The following SSBP2 variants were observed in gnomAD, a reference collection of about 807,000 sequenced individuals.
SSBP2 encodes the protein single-stranded DNA-binding protein 2.
SSBP2 carries 17 observed loss-of-function variants against 61.8 expected under a neutral mutation model. The observed-to-expected ratio is 0.28, with a 90% CI of 0.19 to 0.41. SSBP2 has a LOEUF of 0.41. Among genes scored for constraint, SSBP2 ranks in the 10% least tolerant of loss-of-function variants. The pLI is 1.00. For missense variants in SSBP2, 310 were observed against 458.7 expected (o/e 0.68, Z 2.96); for synonymous variants, 139 against 141.3 (o/e 0.98, Z 0.12).
At chr5:81,636,096 G>C (rs1156565744) in intron 3 of SSBP2, among the ~76,000 whole-genome samples, 2 of 152,158 alleles carry the variant, frequency 1.3e-5, no homozygotes, top group Non-Finnish European at 2.9e-5. Flanking sequence ...GATGGGACTA[G>C]TTCCCTTATA....
intron 6 of SSBP2, among the ~76,000 whole-genome samples, chr5:81,487,241 T>C (rs1277186834): frequency 6.6e-6 from 1 of 152,234 alleles, no homozygotes; most frequent in African/African-American, 2.4e-5. Flanking sequence ...AAGCATTTAA[T>C]TTCTTCTCGG....
At chr5:81,513,799 A>C in intron 4 of SSBP2, 82 bp from the exon 5 acceptor site, 1 of 844,780 alleles carries the variant, frequency 1.2e-6, no homozygotes, top group East Asian at 2.6e-5. Context: ...AGATTGCAGG[A>C]CGGGATGCTC....
At chr5:81,648,298 C>T (rs961568613) in intron 2 of SSBP2, among the ~76,000 whole-genome samples, 1 of 152,070 alleles carries the variant, frequency 6.6e-6, no homozygotes, top group African/African-American at 2.4e-5. Context: ...AACACAGATA[C>T]ACCAAATTTT....
At chr5:81,431,901 T>C (rs968499374) in intron 15 of SSBP2, among the ~76,000 whole-genome samples, 1 of 152,204 alleles carries the variant, frequency 6.6e-6, no homozygotes, top group African/African-American at 2.4e-5. Context: ...CTTCTCTTAA[T>C]TAGTAAGTTA....
intron 1 of SSBP2, among the ~76,000 whole-genome samples, chr5:81,683,051 G>A (rs1752516847): frequency 6.6e-6 from 1 of 150,422 alleles, no homozygotes; most frequent in Non-Finnish European, 1.5e-5. Context: ...TGTTCATGGA[G>A]AGGAAGACTC....
chr5:81,508,192 T>C (rs145089232), intron 5 of SSBP2, among the ~76,000 whole-genome samples: 16 of 152,276 alleles, frequency 1.1e-4, no homozygotes, highest in African/African-American at 3.8e-4. Context: ...TACTGTACTT[T>C]ATTCTACAAA....
In SSBP2 at chr5:81,416,387, C is replaced by G. The variant is rs1761313420; in HGVS notation, c.*4117G>C. Reference sequence around the variant, plus strand: ...TCTCCTGGGAAAACTACTCTTAGTACTATACACTATATGCAGATGAAAATG... The same window carrying G: ...TCTCCTGGGAAAACTACTCTTAGTAGTATACACTATATGCAGATGAAAATG... On this transcript the variant is annotated 3_prime_UTR_variant, in exon 17 of 17. Coordinates refer to ENST00000320672, the MANE Select transcript of SSBP2 (RefSeq NM_012446.5). 6.6e-6 allele frequency: 1 copy of G among 152,124 alleles called. No individual in the cohort carries two copies. Among genetic ancestry groups the G allele is most frequent in the South Asian group, 2.1e-4 (1 of 4,812 alleles). The allele number at this position is 152,124 out of a possible 1,614,324, so 9.4% of individuals were successfully genotyped here.
intron 5 of SSBP2, among the ~76,000 whole-genome samples, chr5:81,498,675 T>G (rs1402757378): frequency 6.6e-6 from 1 of 152,072 alleles, no homozygotes; most frequent in East Asian, 1.9e-4. Context: ...CCGTATATAA[T>G]TTTCTCTATA....
Position 81,421,342 on chromosome 5 carries a change from G to A in SSBP2, c.1057-809C>T, listed in dbSNP as rs545820548. On this transcript the variant is annotated intron_variant, in intron 16 of 16. Coordinates refer to ENST00000320672, the MANE Select transcript of SSBP2 (RefSeq NM_012446.5). Reference sequence around the variant, plus strand: ...CCAGTAGCTGGGACTACAGGCACACGCCACCATGCATGGCTAATTTTTGTA... The same window carrying A: ...CCAGTAGCTGGGACTACAGGCACACACCACCATGCATGGCTAATTTTTGTA... 4.6e-5 allele frequency among the ~76,000 whole-genome samples: 7 copies of A among 152,190 alleles called. No individual in the cohort carries two copies. In the South Asian group the frequency reaches 8.3e-4, roughly 18 times the overall value.
intron 3 of SSBP2, among the ~76,000 whole-genome samples, chr5:81,629,677 C>A (rs1264145074): frequency 6.6e-6 from 1 of 152,110 alleles, no homozygotes; most frequent in African/African-American, 2.4e-5. Flanking sequence ...GTACATATTT[C>A]TTTTTTAAGT....
chr5:81,533,314 TA>T (rs1193227129), intron 4 of SSBP2, among the ~76,000 whole-genome samples: 1 of 151,546 alleles, frequency 6.6e-6, no homozygotes. Flanking sequence ...CATGGGAAAT[TA>T]AAAAAAATTA....
Position 81,413,881 on chromosome 5 carries a change from A to T in SSBP2, c.*6623T>A, listed in dbSNP as rs1404693377. On this transcript the variant is annotated 3_prime_UTR_variant, in exon 17 of 17. Transcript: ENST00000320672. ...TTTAACTGAGCAATTTTACCAAGAC[A>T]TGATGGAAAGTTAGCTGACAAATAT... 1.3e-5 allele frequency: 2 copies of T among 152,180 alleles called. No individual in the cohort carries two copies. Among genetic ancestry groups the T allele is most frequent in the African/African-American group, 4.8e-5 (2 of 41,462 alleles). The allele number at this position is 152,180 out of a possible 1,614,324, so 9.4% of individuals were successfully genotyped here. A position where few individuals can be genotyped will look rare whatever the true frequency, so the allele number is the denominator to read the frequency against.
chr5:81,576,605 C>A (rs1774236645), intron 4 of SSBP2, among the ~76,000 whole-genome samples: 1 of 152,054 alleles, frequency 6.6e-6, no homozygotes, highest in Non-Finnish European at 1.5e-5. Context: ...GTGGGTTCTA[C>A]CACAAACTAG....
intron 15 of SSBP2, among the ~76,000 whole-genome samples, chr5:81,432,404 G>A (rs575888724): frequency 6.2e-4 from 95 of 152,282 alleles, no homozygotes; most frequent in African/African-American, 2.2e-3. Flanking sequence ...ATATAAATGT[G>A]AGATATGTTA....
intron 6 of SSBP2, among the ~76,000 whole-genome samples, chr5:81,486,287 G>C (rs1362351837): frequency 6.6e-6 from 1 of 152,006 alleles, no homozygotes; most frequent in African/African-American, 2.4e-5. Flanking sequence ...AACAAACTAG[G>C]TTTACAATTT....
chr5:81,672,127 AGT>A (rs1251559640), intron 1 of SSBP2, among the ~76,000 whole-genome samples: 1 of 152,178 alleles, frequency 6.6e-6, no homozygotes, highest in Non-Finnish European at 1.5e-5. Flanking sequence ...TTATATTTAT[AGT>A]GTTTTATAGC....
rs934353326 is a variant in SSBP2, at chr5:81,554,372, T to C, written c.283-40655A>G. Among the ~76,000 whole-genome samples, 4 of 151,726 alleles carry C rather than the reference T, an allele frequency of 2.6e-5. 1 individual carries two copies. The highest frequency in any genetic ancestry group is 4.8e-5 in the African/African-American group (2 of 41,390). On this transcript the variant is annotated intron_variant, in intron 4 of 16. Transcript: ENST00000320672. Reference sequence around the variant, plus strand: ...AAAACCATTTCATTATTCATGGTCATACTAGTTAGTGGAATGGCTGAATAA... The same window carrying C: ...AAAACCATTTCATTATTCATGGTCACACTAGTTAGTGGAATGGCTGAATAA...
chr5:81,596,858 A>G (rs913273629), intron 4 of SSBP2, among the ~76,000 whole-genome samples: 4 of 148,754 alleles, frequency 2.7e-5, no homozygotes, highest in African/African-American at 1.0e-4. Flanking sequence ...TTAAAGACTT[A>G]AATGTTAGAC....
Position 81,442,736 on chromosome 5 carries a change from A to G in SSBP2, c.779-13T>C. On this transcript the variant is annotated splice_polypyrimidine_tract_variant and intron_variant, in intron 12 of 16. Coordinates refer to ENST00000320672, the MANE Select transcript of SSBP2 (RefSeq NM_012446.5). ...GAGTTGGTTGAATCTGAAACAAAATATTACTTAATTAAAATATTTCTTTAG... is the reference window on the plus strand; with the variant it reads ...GAGTTGGTTGAATCTGAAACAAAATGTTACTTAATTAAAATATTTCTTTAG... The G allele has an allele frequency of 7.2e-7, 1 of 1,395,196 alleles. No individual in the cohort carries two copies. The highest frequency in any genetic ancestry group is 2.4e-5 in the East Asian group (1 of 42,098). 86.4% of individuals were successfully genotyped at this position (1,395,196 alleles called of 1,614,324 possible).
Sources: gnomAD v4.1 joint callset for allele counts (sites outside exome capture counted in the v4.1 genomes callset) on GRCh38, gnomAD v4.1.1 for gene constraint, MANE v1.5 for transcripts, NCBI Gene and HGNC (gene_info 2026-07-23, HGNC 2026-07-21) for gene names.